NPAS2: variants seen among roughly 807,000 people sequenced by gnomAD.
NPAS2 encodes neuronal PAS domain-containing protein 2.
NPAS2 carries 23 observed loss-of-function variants against 107.5 expected under a neutral mutation model. That is an observed-to-expected ratio of 0.21 (90% CI 0.15 to 0.30). The LOEUF is 0.30. NPAS2 is among the 10% of genes least tolerant of loss of function. The probability of loss-of-function intolerance (pLI) is 1.00; values close to 1 mark genes in which losing one functional copy is unlikely to be tolerated. For missense variants in NPAS2, 756 were observed against 1,043.3 expected, an observed-to-expected ratio of 0.72 and a Z score of 3.79; for synonymous variants, 403 against 417.5, an observed-to-expected ratio of 0.97 and a Z score of 0.42.
At chr2:100,938,904 C>T (rs1674397664) in intron 5 of NPAS2, among the ~76,000 whole-genome samples, 1 of 152,214 alleles carries the variant, frequency 6.6e-6, no homozygotes, top group African/African-American at 2.4e-5. Flanking sequence ...CCCCCGACCC[C>T]TGCTCATCCA....
chr2:100,822,695 A>G (rs1247073346), intron 1 of NPAS2: 1 of 152,198 alleles, frequency 6.6e-6, no homozygotes, highest in African/African-American at 2.4e-5. Flanking sequence ...CTTAATTTTT[A>G]AAACAAGCAT....
intron 15 of NPAS2, among the ~76,000 whole-genome samples, chr2:100,979,045 C>T (rs1278276342): frequency 2.6e-5 from 4 of 152,196 alleles, no homozygotes; most frequent in African/African-American, 9.6e-5. Flanking sequence ...TCTGTCTTGG[C>T]ACACATCTGT....
intron 2 of NPAS2, among the ~76,000 whole-genome samples, chr2:100,912,704 C>T (rs959666247): frequency 6.6e-6 from 1 of 152,214 alleles, no homozygotes; most frequent in African/African-American, 2.4e-5. Flanking sequence ...CCTCACAACA[C>T]GTGGTTGCAT....
intron 1 of NPAS2, chr2:100,878,020 C>T (rs1014708979): frequency 8.1e-6 from 8 of 985,226 alleles, no homozygotes; most frequent in South Asian, 9.4e-5. Flanking sequence ...ATAGCTAATA[C>T]CAGAGTGCTG....
intron 1 of NPAS2, among the ~76,000 whole-genome samples, chr2:100,874,639 G>A (rs1001749084): frequency 6.6e-5 from 10 of 152,050 alleles, no homozygotes; most frequent in African/African-American, 2.4e-4. Context: ...CTACTCAGGA[G>A]GCTGGGGCAG....
chr2:100,903,721 A>G (rs941310027), intron 1 of NPAS2, among the ~76,000 whole-genome samples: 2 of 152,124 alleles, frequency 1.3e-5, no homozygotes, highest in Admixed American at 1.3e-4. Context: ...TTGCCCTCCC[A>G]GCCACCGCAG....
chr2:100,884,024 G>A (rs1479156615), intron 1 of NPAS2, among the ~76,000 whole-genome samples: 1 of 152,190 alleles, frequency 6.6e-6, no homozygotes, highest in African/African-American at 2.4e-5. Context: ...AGCACAGCCA[G>A]ACTCCTGTCT....
At chr2:100,868,591 C>T (rs1046360284) in intron 1 of NPAS2, among the ~76,000 whole-genome samples, 12 of 152,166 alleles carry the variant, frequency 7.9e-5, no homozygotes, top group Non-Finnish European at 1.6e-4. Flanking sequence ...CCTCGAATAT[C>T]TCTTGCTAGA....
chr2:100,902,360 C>T (rs189313059), intron 1 of NPAS2, among the ~76,000 whole-genome samples: 360 of 152,312 alleles, frequency 2.4e-3, no homozygotes, highest in African/African-American at 7.9e-3. Flanking sequence ...CAAAACACTG[C>T]GTTTCCGTGC....
chr2:100,973,828 C>T (rs910614429), intron 12 of NPAS2, among the ~76,000 whole-genome samples: 3 of 152,156 alleles, frequency 2.0e-5, no homozygotes, highest in African/African-American at 4.8e-5. Context: ...TAAAAATTAT[C>T]CCAACCTTTG....
chr2:100,906,268 A>G (rs1448631847), intron 2 of NPAS2, among the ~76,000 whole-genome samples: 1 of 152,174 alleles, frequency 6.6e-6, no homozygotes, highest in Non-Finnish European at 1.5e-5. Context: ...CAAGCAACAA[A>G]TGAATAGACT....
At chr2:100,962,446 A>G (rs1204647602) in intron 7 of NPAS2, among the ~76,000 whole-genome samples, 1 of 152,304 alleles carries the variant, frequency 6.6e-6, no homozygotes, top group Admixed American at 6.5e-5. Context: ...CCAGTTCAGA[A>G]TGTGCAGGAT....
At chr2:100,990,657 C>A in intron 18 of NPAS2, 123 bp from the exon 19 acceptor site, 1 of 1,055,328 alleles carries the variant, frequency 9.5e-7, no homozygotes, top group Non-Finnish European at 1.4e-6. Context: ...AGAATGAAGC[C>A]AGGAGAGTGG....
chr2:100,844,329 T>A (rs774357422), intron 1 of NPAS2, among the ~76,000 whole-genome samples: 5 of 152,188 alleles, frequency 3.3e-5, no homozygotes, highest in African/African-American at 9.6e-5. Context: ...GGGGTTTTGA[T>A]CAGCAAGTAT....
intron 3 of NPAS2, 142 bp from the exon 4 acceptor site, chr2:100,932,768 A>G: frequency 1.6e-6 from 1 of 628,554 alleles, no homozygotes; most frequent in Admixed American, 2.7e-5. Flanking sequence ...AATCAGGGTA[A>G]CATATTTCCT....
intron 1 of NPAS2, chr2:100,821,057 G>A: frequency 7.7e-7 from 1 of 1,304,026 alleles, no homozygotes; most frequent in Non-Finnish European, 1.0e-6. Flanking sequence ...TGGGAGATGT[G>A]CCCCTTTCCC....
chr2:100,823,405 TAA>T (rs1325790255), intron 1 of NPAS2: 1 of 152,148 alleles, frequency 6.6e-6, no homozygotes, highest in Non-Finnish European at 1.5e-5. Context: ...TTGCAAGTCT[TAA>T]AACAATGGGT....
At chr2:100,922,109 G>A (rs1683262117) in intron 2 of NPAS2, among the ~76,000 whole-genome samples, 1 of 152,150 alleles carries the variant, frequency 6.6e-6, no homozygotes, top group South Asian at 2.1e-4. Context: ...CAGATCAGTG[G>A]TTGGTTGCCT....
In NPAS2 at chr2:100,895,196, G is replaced by A. The variant is rs75100523; in HGVS notation, c.-22-9537G>A. On this transcript the variant is annotated intron_variant, in intron 1 of 20. Transcript: ENST00000335681. ...AGACACTTGTTGGGCTTAAGTACCA[G>A]TTTCTACTGTGAGCCCTTTAATTCA... is the stretch of plus-strand genomic sequence containing the variant. 2.1e-3 allele frequency among the ~76,000 whole-genome samples: 314 copies of A among 152,312 alleles called. 3 individuals carry two copies. The highest frequency in any genetic ancestry group is 7.4e-3 in the African/African-American group (307 of 41,568).
Sources: gnomAD v4.1 joint callset for allele counts (sites outside exome capture counted in the v4.1 genomes callset) on GRCh38, gnomAD v4.1.1 for gene constraint, MANE v1.5 for transcripts, NCBI Gene and HGNC (gene_info 2026-07-23, HGNC 2026-07-21) for gene names.